DLGAP1: variants seen among roughly 807,000 people sequenced by gnomAD.
DLGAP1 encodes the protein DLG associated protein 1.
DLGAP1 carries 11 observed loss-of-function variants against 90.8 expected under a neutral mutation model. The observed-to-expected ratio is 0.12, with a 90% CI of 0.08 to 0.20. The LOEUF (loss-of-function observed/expected upper bound fraction) is 0.20. Ranked by LOEUF, DLGAP1 falls within the 10% of genes least tolerant of loss-of-function variation. The pLI is 1.00. For missense variants in DLGAP1, 1,050 were observed against 1,333.8 expected (o/e 0.79, Z 3.31); for synonymous variants, 558 against 540.7 (o/e 1.03, Z -0.44).
intron 6 of DLGAP1, among the ~76,000 whole-genome samples, chr18:3,730,503 C>G (rs750106465): frequency 6.6e-6 from 1 of 152,034 alleles, no homozygotes; most frequent in Non-Finnish European, 1.5e-5. Flanking sequence ...TTTTAGTTGA[C>G]TTGCTAGAGA....
chr18:4,280,374 T>C (rs1281957526), intron 1 of DLGAP1, among the ~76,000 whole-genome samples: 1 of 152,208 alleles, frequency 6.6e-6, no homozygotes. Context: ...ATCCCTGTCT[T>C]CATGGTCTTA....
chr18:4,345,391 C>G (rs868297608), intron 1 of DLGAP1, among the ~76,000 whole-genome samples: 1 of 152,130 alleles, frequency 6.6e-6, no homozygotes, highest in Non-Finnish European at 1.5e-5. Flanking sequence ...GGAAAAGATA[C>G]ATGGAAGTAA....
chr18:3,632,544 C>T (rs1413487171), intron 7 of DLGAP1, among the ~76,000 whole-genome samples: 2 of 152,154 alleles, frequency 1.3e-5, no homozygotes, highest in Non-Finnish European at 2.9e-5. Context: ...CTCAGGTGAT[C>T]TGCCTGCCTC....
chr18:4,348,639 G>C (rs145585480), intron 1 of DLGAP1, among the ~76,000 whole-genome samples: 258 of 152,120 alleles, frequency 1.7e-3, no homozygotes, highest in African/African-American at 5.9e-3. Flanking sequence ...TTTGGGAATG[G>C]GTAGATATTA....
At chr18:3,979,321 C>T (rs1422639568) in intron 3 of DLGAP1, among the ~76,000 whole-genome samples, 1 of 152,172 alleles carries the variant, frequency 6.6e-6, no homozygotes, top group African/African-American at 2.4e-5. Flanking sequence ...ACCATGTGTA[C>T]AGGTTTGCAG....
intron 3 of DLGAP1, among the ~76,000 whole-genome samples, chr18:3,987,053 T>C (rs112051811): frequency 6.6e-6 from 1 of 152,120 alleles, no homozygotes; most frequent in East Asian, 1.9e-4. Context: ...CGTTTCCAGG[T>C]ATGTTAGGTA....
chr18:3,960,548 C>A (rs186638675), intron 3 of DLGAP1, among the ~76,000 whole-genome samples: 1 of 152,060 alleles, frequency 6.6e-6, no homozygotes, highest in East Asian at 1.9e-4. Context: ...GGTGACAGAG[C>A]GGAGACCCCC....
intron 1 of DLGAP1, among the ~76,000 whole-genome samples, chr18:4,394,989 C>T (rs1227511197): frequency 6.6e-6 from 1 of 152,184 alleles, no homozygotes; most frequent in Non-Finnish European, 1.5e-5. Flanking sequence ...TAAAATCTTG[C>T]TCAGAATAGT....
chr18:3,522,815 T>C (rs1038315838), intron 10 of DLGAP1, among the ~76,000 whole-genome samples: 9 of 152,000 alleles, frequency 5.9e-5, no homozygotes, highest in Non-Finnish European at 1.2e-4. Context: ...AGAGCTGGGA[T>C]TATAGGTGTA....
At chr18:4,370,526 T>C (rs1040922446) in intron 1 of DLGAP1, among the ~76,000 whole-genome samples, 2 of 152,194 alleles carry the variant, frequency 1.3e-5, no homozygotes, top group African/African-American at 4.8e-5. Flanking sequence ...AGTCTGTTTA[T>C]CTACATTATC....
At chr18:3,874,093 C>A in intron 4 of DLGAP1, 4 of 1,545,096 alleles carry the variant, frequency 2.6e-6, no homozygotes, top group Middle Eastern at 3.4e-4. Flanking sequence ...ACCACAAAAA[C>A]CATCCAAATC....
intron 5 of DLGAP1, among the ~76,000 whole-genome samples, chr18:3,783,493 G>T (rs2065300313): frequency 6.6e-6 from 1 of 152,220 alleles, no homozygotes; most frequent in Non-Finnish European, 1.5e-5. Flanking sequence ...ACTAATGCAT[G>T]CTACAACATG....
At chr18:3,978,024 G>A in intron 3 of DLGAP1, 1 of 383,974 alleles carries the variant, frequency 2.6e-6, no homozygotes, top group Non-Finnish European at 5.1e-6. Context: ...ATGATGTTCT[G>A]GAGAGCCCCG....
intron 1 of DLGAP1, among the ~76,000 whole-genome samples, chr18:4,169,355 GA>G (rs2076985785): frequency 6.6e-6 from 1 of 152,054 alleles, no homozygotes; most frequent in Non-Finnish European, 1.5e-5. Context: ...AATAATTTTT[GA>G]AAAAGTTAAG....
chr18:3,794,861 G>A (rs975479420), intron 5 of DLGAP1, among the ~76,000 whole-genome samples: 1 of 152,196 alleles, frequency 6.6e-6, no homozygotes, highest in African/African-American at 2.4e-5. Flanking sequence ...GAAAAAGTGC[G>A]TCACTGGTTT....
At chr18:3,554,786 CAGTT>C (rs1240986778) in intron 9 of DLGAP1, among the ~76,000 whole-genome samples, 2 of 152,160 alleles carry the variant, frequency 1.3e-5, no homozygotes, top group Non-Finnish European at 2.9e-5. Context: ...ATAGATCAAT[CAGTT>C]AGGTGGGCCT....
chr18:3,887,183 T>C (rs546618885), intron 3 of DLGAP1, among the ~76,000 whole-genome samples: 12 of 151,918 alleles, frequency 7.9e-5, no homozygotes, highest in African/African-American at 2.4e-4. Context: ...GCAGAGGGAG[T>C]CTGTGTGGAG....
intron 9 of DLGAP1, among the ~76,000 whole-genome samples, chr18:3,540,237 C>T (rs1253054992): frequency 1.5e-4 from 23 of 151,892 alleles, no homozygotes; most frequent in Admixed American, 6.6e-4. Flanking sequence ...GAAGCCAAGG[C>T]GGGCAGATCA....
Position 4,402,391 on chromosome 18 carries a change from A to C in DLGAP1, c.-267+52615T>G, listed in dbSNP as rs1265829303. Among the ~76,000 whole-genome samples the C allele has an allele frequency of 3.3e-5, 5 of 152,240 alleles. No individual in the cohort carries two copies. In the East Asian group the frequency reaches 9.6e-4, roughly 29 times the overall value. On this transcript the variant is annotated intron_variant, in intron 1 of 12. Transcript: ENST00000315677. ...AACAGATATCTCTATTTATATTATT[A>C]ATGTTAGGAACTAAAATATAATAAT...
Sources: allele counts gnomAD v4.1 joint callset (sites outside exome capture counted in the v4.1 genomes callset), GRCh38; gene constraint gnomAD v4.1.1; transcripts MANE v1.5; gene names NCBI Gene and HGNC (gene_info 2026-07-23, HGNC 2026-07-21).